The following PTBP3 variants were observed in gnomAD, a reference collection of about 807,000 sequenced individuals.
PTBP3 encodes the protein polypyrimidine tract-binding protein 3.
Under a neutral mutation model 58.7 loss-of-function variants are expected in PTBP3, and 20 were observed. The ratio of observed to expected loss-of-function variants is 0.34; its 90% CI spans 0.24 to 0.50. The LOEUF is 0.50. Ranked by LOEUF, PTBP3 falls within the 20% of genes least tolerant of loss-of-function variation. The pLI is 0.98. For synonymous variants in PTBP3, 185 were observed against 219.8 expected (o/e 0.84, Z 1.40); for missense variants, 509 against 637.2 (o/e 0.80, Z 2.17).
At chr9:112,268,466 G>T in intron 3 of PTBP3, among the ~76,000 whole-genome samples, 1 of 152,144 alleles carries the variant, frequency 6.6e-6, no homozygotes. Context: ...AAGACAAGGT[G>T]GGAGGACTGC....
intron 7 of PTBP3, among the ~76,000 whole-genome samples, chr9:112,244,456 T>C (rs562450141): frequency 4.6e-5 from 7 of 151,776 alleles, no homozygotes; most frequent in Non-Finnish European, 7.4e-5. Flanking sequence ...GGAGGATCAC[T>C]TGAGACCAGG....
the PTBP3 span, among the ~76,000 whole-genome samples, chr9:112,357,071 G>T: frequency 6.6e-6 from 1 of 151,422 alleles, no homozygotes; most frequent in African/African-American, 2.4e-5. Flanking sequence ...TAGTAGAGAC[G>T]GGGTTTCACC....
rs192010893 is a variant in PTBP3, at chr9:112,287,969, G to C, written c.34+9863C>G. Among the ~76,000 whole-genome samples the C allele has an allele frequency of 4.6e-5, 7 of 152,160 alleles. No individual in the cohort carries two copies. The East Asian group carries it at 1.4e-3, about 29-fold the overall frequency. Reference sequence around the variant, plus strand: ...TGGTTCTTAACATGTCTGGCAATTGGATGCTCCACATTAGGAGCACCAGAA... The same window carrying C: ...TGGTTCTTAACATGTCTGGCAATTGCATGCTCCACATTAGGAGCACCAGAA... On this transcript the variant is annotated intron_variant, in intron 2 of 13. Coordinates refer to ENST00000374257, the MANE Select transcript of PTBP3 (RefSeq NM_001163788.4).
the PTBP3 span, among the ~76,000 whole-genome samples, chr9:112,348,284 C>T: frequency 6.6e-6 from 1 of 152,196 alleles, no homozygotes; most frequent in Non-Finnish European, 1.5e-5. Flanking sequence ...TTGGCCGCAG[C>T]CAGCGCCAGG....
intron 10 of PTBP3, among the ~76,000 whole-genome samples, chr9:112,228,946 ATCAG>A (rs1175382092): frequency 6.6e-6 from 1 of 152,154 alleles, no homozygotes; most frequent in Admixed American, 6.5e-5. Flanking sequence ...CACTCGGACA[ATCAG>A]GACAACCTAA....
At chr9:112,332,135 TC>T (rs1487859934) in intron 1 of PTBP3, among the ~76,000 whole-genome samples, 2 of 151,472 alleles carry the variant, frequency 1.3e-5, no homozygotes, top group African/African-American at 4.9e-5. Flanking sequence ...CAGCTTCAAT[TC>T]CCCCCCAAAA....
At chr9:112,302,582 C>CTTTTTTTTTTTTTTTTTT (rs369208342) in intron 1 of PTBP3, among the ~76,000 whole-genome samples, 14 of 110,500 alleles carry the variant, frequency 1.3e-4, no homozygotes, top group African/African-American at 4.2e-4. Context: ...TATTCTTCAT[C>CTTTTTTTTTTTTTTTTTT]TTTTTTTTTT....
chr9:112,336,308 CT>C (rs1263201217), upstream of PTBP3, among the ~76,000 whole-genome samples: 5 of 152,104 alleles, frequency 3.3e-5, no homozygotes, highest in Admixed American at 3.3e-4. Flanking sequence ...ATTATTACAT[CT>C]GAGGAATAGA....
At chr9:112,267,911 G>T in intron 4 of PTBP3, 138 bp downstream of exon 4, 1 of 728,500 alleles carries the variant, frequency 1.4e-6, no homozygotes, top group Non-Finnish European at 2.0e-6. Context: ...TTGGGGGGAA[G>T]AATTTACATA....
Position 112,219,275 on chromosome 9 carries a change from T to G in PTBP3, c.*4576A>C, listed in dbSNP as rs1834725590. 1 of 152,556 alleles carries G rather than the reference T, an allele frequency of 6.6e-6. No homozygotes were observed. The highest frequency in any genetic ancestry group is 1.5e-5 in the Non-Finnish European group (1 of 68,026). 9.5% of individuals were successfully genotyped at this position (152,556 alleles called of 1,614,324 possible). On this transcript the variant is annotated 3_prime_UTR_variant, in exon 14 of 14. Coordinates refer to ENST00000374257, the MANE Select transcript of PTBP3 (RefSeq NM_001163788.4). ...ATATGGGATGAATTTTTAAAAGATC[T>G]GGGAAACAACAGTAAGGGGGAAAAA... is the stretch of plus-strand genomic sequence containing the variant.
At chr9:112,345,108 T>A in the PTBP3 span, among the ~76,000 whole-genome samples, 1 of 151,342 alleles carries the variant, frequency 6.6e-6, no homozygotes, top group East Asian at 1.9e-4. Flanking sequence ...ACAGCAAAAA[T>A]AATAATAATA....
chr9:112,332,238 G>C (rs1830404604), intron 1 of PTBP3, among the ~76,000 whole-genome samples: 1 of 152,084 alleles, frequency 6.6e-6, no homozygotes, highest in Non-Finnish European at 1.5e-5. Flanking sequence ...TCACAATCAT[G>C]AATAAAATCT....
At chr9:112,330,665 G>A (rs1252345687) in intron 1 of PTBP3, among the ~76,000 whole-genome samples, 1 of 152,126 alleles carries the variant, frequency 6.6e-6, no homozygotes, top group East Asian at 1.9e-4. Context: ...GAGTGCAAAA[G>A]CAAATCCTTA....
chr9:112,268,120 G>A lies in PTBP3; in HGVS notation c.280C>T (p.Arg94Ter). 6.2e-7 allele frequency: 1 copy of A among 1,613,858 alleles called. No homozygotes were observed. Among genetic ancestry groups the A allele is most frequent in the Non-Finnish European group, 8.5e-7 (1 of 1,179,800 alleles). ...TACTGAATATAAACAGGCTGGCTTC[G>A]AAGGTGAGGAGTAATAGGAGTGTAA... is the stretch of plus-strand genomic sequence containing the variant. Reference protein sequence around the residue: ...NYYTPITPHLRSQPVYIQYSN... With the variant: ...NYYTPITPHL Residue 94 changes from arginine (R) to a stop codon, truncating the protein, a stop_gained, in exon 4 of 14, where the codon CGA (arginine) becomes TGA (stop). Transcript: ENST00000374257. LOFTEE classifies it high-confidence loss of function.
intron 4 of PTBP3, among the ~76,000 whole-genome samples, chr9:112,266,438 C>T (rs945019391): frequency 7.2e-5 from 11 of 152,138 alleles, no homozygotes; most frequent in African/African-American, 2.7e-4. Flanking sequence ...AGCAATCATG[C>T]AACATATACC....
intron 5 of PTBP3, among the ~76,000 whole-genome samples, chr9:112,256,847 T>C (rs1252214945): frequency 1.3e-5 from 1 of 77,962 alleles, no homozygotes; most frequent in Non-Finnish European, 2.3e-5. Context: ...TTTTTTCCCT[T>C]TTTTTAAAGC....
intron 4 of PTBP3, 115 bp downstream of exon 4, chr9:112,267,934 T>G: frequency 1.1e-6 from 1 of 943,304 alleles, no homozygotes; most frequent in East Asian, 2.8e-5. Context: ...CAATTATGAC[T>G]AGTAAAGTAT....
chr9:112,260,115 G>A lies in PTBP3; in HGVS notation c.516+2320C>T, dbSNP rs561700904. ...GAAGAGATAGGGTTTCACCATGTTG[G>A]CCAGGCTGGAGTTGAACTCCTGACC... is the stretch of plus-strand genomic sequence containing the variant. On this transcript the variant is annotated intron_variant, in intron 5 of 13. Coordinates refer to ENST00000374257, the MANE Select transcript of PTBP3 (RefSeq NM_001163788.4). Among the ~76,000 whole-genome samples, 5 of 152,176 alleles carry A rather than the reference G, an allele frequency of 3.3e-5. No individual in the cohort carries two copies. The South Asian group carries it at 1.0e-3, about 32-fold the overall frequency.
upstream of PTBP3, among the ~76,000 whole-genome samples, chr9:112,335,126 G>A (rs1357048208): frequency 1.3e-5 from 2 of 152,050 alleles, no homozygotes; most frequent in East Asian, 3.8e-4. Flanking sequence ...AGTAATATCA[G>A]CATAAATGCT....
Sources: gnomAD v4.1 joint callset for allele counts (sites outside exome capture counted in the v4.1 genomes callset) on GRCh38, gnomAD v4.1.1 for gene constraint, MANE v1.5 for transcripts, NCBI Gene and HGNC (gene_info 2026-07-23, HGNC 2026-07-21) for gene names.